Variants in RAB27A observed in about 807,000 individuals in gnomAD.
RAB27A encodes the protein ras-related protein Rab-27A.
Under a neutral mutation model 20.8 loss-of-function variants are expected in RAB27A, and 17 were observed. That is an observed-to-expected ratio of 0.82 (90% CI 0.56 to 1.23). RAB27A has a LOEUF of 1.23. Ranked by LOEUF, RAB27A falls within the 50% of genes most tolerant of loss-of-function variation. The pLI, the probability that RAB27A is intolerant of heterozygous loss-of-function variation, is 0.00. For synonymous variants in RAB27A, 85 were observed against 92.8 expected (o/e 0.92, Z 0.48); for missense variants, 277 against 266.7 (o/e 1.04, Z -0.27).
chr15:55,272,225 C>G (rs933399505), intron 1 of RAB27A, among the ~76,000 whole-genome samples: 2 of 152,042 alleles, frequency 1.3e-5, no homozygotes, highest in South Asian at 4.1e-4. Flanking sequence ...GGTGAAACCC[C>G]GTCTCTACTA....
intron 2 of RAB27A, among the ~76,000 whole-genome samples, chr15:55,241,110 A>G (rs973122347): frequency 6.6e-6 from 1 of 152,204 alleles, no homozygotes; most frequent in Non-Finnish European, 1.5e-5. Flanking sequence ...TATGCAGGCA[A>G]TGTTCTTTTC....
chr15:55,303,695 G>A (rs1418699302), intron 2 of RAB27A, among the ~76,000 whole-genome samples: 8 of 128,070 alleles, frequency 6.2e-5, no homozygotes, highest in Admixed American at 3.7e-4. Context: ...CAGCCGCCCC[G>A]TCCGGGAGGT....
At chr15:55,287,638 T>TCC (rs1898191270) in intron 1 of RAB27A, among the ~76,000 whole-genome samples, 1 of 151,822 alleles carries the variant, frequency 6.6e-6, no homozygotes, top group Non-Finnish European at 1.5e-5. Flanking sequence ...TCCCAGCTAC[T>TCC]CAGGAGGATG....
At chr15:55,273,416 A>AAAAAAT (rs1478980392) in intron 1 of RAB27A, among the ~76,000 whole-genome samples, 1 of 150,428 alleles carries the variant, frequency 6.6e-6, no homozygotes. Context: ...CTCAAAAAAA[A>AAAAAAT]AAAAATAAAA....
At chr15:55,226,643 G>A (rs1373740278) in intron 5 of RAB27A, among the ~76,000 whole-genome samples, 5 of 152,090 alleles carry the variant, frequency 3.3e-5, no homozygotes, top group African/African-American at 9.7e-5. Context: ...GCTGAGGCGC[G>A]TGGATCACCT....
At chr15:55,250,638 T>C (rs1203764515) in intron 2 of RAB27A, among the ~76,000 whole-genome samples, 1 of 152,210 alleles carries the variant, frequency 6.6e-6, no homozygotes, top group South Asian at 2.1e-4. Context: ...ACATGTTGCA[T>C]CACAACATTT....
At chr15:55,247,538 C>G (rs1236012542) in intron 2 of RAB27A, among the ~76,000 whole-genome samples, 1 of 152,174 alleles carries the variant, frequency 6.6e-6, no homozygotes, top group Non-Finnish European at 1.5e-5. Flanking sequence ...CCAACACAGA[C>G]TGACTCTCCT....
chr15:55,228,568 G>C lies in RAB27A; in HGVS notation c.343+41C>G, dbSNP rs555710412. The C allele has an allele frequency of 4.3e-6, 6 of 1,402,842 alleles. No homozygotes were observed. The South Asian group carries it at 4.6e-5, about 11-fold the overall frequency. The allele number at this position is 1,402,842 out of a possible 1,614,324, so 86.9% of individuals were successfully genotyped here. On this transcript the variant is annotated intron_variant, in intron 5 of 6. Transcript: ENST00000336787. ...ATAAGAGGGCATTCTATAAATAAGA[G>C]GGGACTGTGTAGCAGGACACTGGGG...
intron 2 of RAB27A, among the ~76,000 whole-genome samples, chr15:55,296,142 C>T (rs1399560378): frequency 6.6e-6 from 1 of 151,368 alleles, no homozygotes; most frequent in African/African-American, 2.4e-5. Flanking sequence ...GATCCAACCA[C>T]CTTGGCCTCC....
chr15:55,217,663 C>CA (rs199813098), intron 6 of RAB27A, among the ~76,000 whole-genome samples: 4,545 of 43,122 alleles, frequency 0.11, 831 homozygotes, highest in Non-Finnish European at 0.15. Context: ...CACTCCATCT[C>CA]AAAAAAAAAA....
Position 55,284,469 on chromosome 15 carries a change from TA to T in RAB27A, c.-143+5246del, listed in dbSNP as rs1030969471. Among the ~76,000 whole-genome samples, 3 of 151,098 alleles carry T rather than the reference TA, an allele frequency of 2.0e-5. No individual in the cohort carries two copies. In the East Asian group the frequency reaches 5.8e-4, roughly 29 times the overall value. The stretch of plus-strand genomic sequence containing the variant: ...AGGGTCAAAAGTGTTAACAAAACCA[TA>T]AAAAAAAATAAAACCACATTGAATT... On this transcript the variant is annotated intron_variant, in intron 1 of 6. Coordinates refer to ENST00000336787, the MANE Select transcript of RAB27A (RefSeq NM_183235.3).
At chr15:55,236,822 C>T (rs993218288) in intron 2 of RAB27A, among the ~76,000 whole-genome samples, 3 of 152,106 alleles carry the variant, frequency 2.0e-5, no homozygotes, top group Admixed American at 6.6e-5. Flanking sequence ...TTTATTTCCT[C>T]GAGTATTTAT....
At chr15:55,268,332 A>G (rs1410491440) in intron 2 of RAB27A, among the ~76,000 whole-genome samples, 1 of 152,194 alleles carries the variant, frequency 6.6e-6, no homozygotes, top group Non-Finnish European at 1.5e-5. Flanking sequence ...GGAAGCCAGG[A>G]TATTCTGAAG....
upstream of RAB27A, among the ~76,000 whole-genome samples, chr15:55,294,347 G>T (rs1445239126): frequency 6.6e-6 from 1 of 152,006 alleles, no homozygotes; most frequent in Non-Finnish European, 1.5e-5. Context: ...CAATACTTTG[G>T]GAGGCCAACA....
chr15:55,260,050 A>G, intron 2 of RAB27A: 1 of 152,310 alleles, frequency 6.6e-6, no homozygotes, highest in South Asian at 2.1e-4. Flanking sequence ...GAAGATTGAC[A>G]TGTTCATGAT....
intron 1 of RAB27A, among the ~76,000 whole-genome samples, chr15:55,280,118 T>G (rs1897975872): frequency 6.6e-6 from 1 of 152,208 alleles, no homozygotes; most frequent in Non-Finnish European, 1.5e-5. Flanking sequence ...ATTTCCTGTT[T>G]GACACTAGAC....
At chr15:55,219,965 A>C (rs61638549) in intron 6 of RAB27A, among the ~76,000 whole-genome samples, 25,839 of 152,042 alleles carry the variant, frequency 0.17, 2,451 homozygotes, top group Admixed American at 0.23. Flanking sequence ...ACAACAACAA[A>C]AAAAAAAACA....
chr15:55,268,531 C>G (rs1191183187), intron 2 of RAB27A, among the ~76,000 whole-genome samples: 3 of 152,168 alleles, frequency 2.0e-5, no homozygotes, highest in African/African-American at 7.2e-5. Flanking sequence ...GTCCATGTGT[C>G]AGGACCCTGA....
chr15:55,303,839 G>C lies in RAB27A; in HGVS notation c.-112+10200C>G, dbSNP rs1374663705. 1.1e-3 allele frequency among the ~76,000 whole-genome samples: 154 copies of C among 136,390 alleles called. 3 individuals carry two copies. Among genetic ancestry groups the C allele is most frequent in the African/African-American group, 3.9e-3 (133 of 33,694 alleles). 89.5% of individuals were successfully genotyped at this position (136,390 alleles called of 152,430 possible). Reference sequence around the variant, plus strand: ...GCCGCCCCGTCCGGGAGGGAGGTGGGGGGGGTCAGCCCCCCTGCCCAGCCA... The same window carrying C: ...GCCGCCCCGTCCGGGAGGGAGGTGGCGGGGGTCAGCCCCCCTGCCCAGCCA... On this transcript the variant is annotated intron_variant, in intron 2 of 5. Transcript: ENST00000563262.
Sources: gnomAD v4.1 joint callset for allele counts (sites outside exome capture counted in the v4.1 genomes callset) on GRCh38, gnomAD v4.1.1 for gene constraint, MANE v1.5 for transcripts, NCBI Gene and HGNC (gene_info 2026-07-23, HGNC 2026-07-21) for gene names.